ITPKB: variants seen among roughly 807,000 people sequenced by gnomAD.
ITPKB encodes the protein IP3 3-kinase B.
A neutral mutation model predicts 69.4 loss-of-function variants in ITPKB; 13 were observed. The observed-to-expected ratio is 0.19, with a 90% CI of 0.12 to 0.30. The LOEUF is 0.30. Among genes scored for constraint, ITPKB ranks in the 10% least tolerant of loss-of-function variants. The probability of loss-of-function intolerance (pLI) is 1.00; values close to 1 mark genes in which losing one functional copy is unlikely to be tolerated. For synonymous variants in ITPKB, 584 were observed against 513.7 expected (o/e 1.14, Z -1.85); for missense variants, 1,240 against 1,250.5 (o/e 0.99, Z 0.13).
At chr1:226,661,155 C>T (rs1349916624) in intron 2 of ITPKB, among the ~76,000 whole-genome samples, 3 of 152,230 alleles carry the variant, frequency 2.0e-5, no homozygotes, top group Non-Finnish European at 2.9e-5. Flanking sequence ...CCCAACACAC[C>T]TTCTTGGGAA....
chr1:226,712,804 G>C (rs1031954338), intron 2 of ITPKB, among the ~76,000 whole-genome samples: 1 of 152,188 alleles, frequency 6.6e-6, no homozygotes, highest in African/African-American at 2.4e-5. Flanking sequence ...GAAAATATTA[G>C]CGTCCCGGTG....
chr1:226,641,389 T>C lies in ITPKB; in HGVS notation c.2451+532A>G, dbSNP rs1668958081. 6.6e-6 allele frequency among the ~76,000 whole-genome samples: 1 copy of C among 152,242 alleles called. No individual in the cohort carries two copies. Among genetic ancestry groups the C allele is most frequent in the Non-Finnish European group, 1.5e-5 (1 of 68,042 alleles). On this transcript the variant is annotated intron_variant, in intron 5 of 7. Coordinates refer to ENST00000429204, the MANE Select transcript of ITPKB (RefSeq NM_002221.4). The surrounding 1 kb of genome is among the most constrained non-coding windows in gnomAD (Gnocchi z 4.6). ...ATTAGGGGAAAATTACATTTACTTA[T>C]AAAGTTTGTCATGTTGTTTCTTTGG...
chr1:226,728,827 C>G lies in ITPKB; in HGVS notation c.1932+6700G>C, dbSNP rs115198649. On this transcript the variant is annotated intron_variant, in intron 2 of 7. Coordinates refer to ENST00000429204, the MANE Select transcript of ITPKB (RefSeq NM_002221.4). ...GCCATGTGTAGACTGGAATTTCACC[C>G]AAGTCTCCTAAACCCAAGCCTAGCA... Among the ~76,000 whole-genome samples the G allele has an allele frequency of 5.8e-3, 881 of 152,264 alleles. 8 individuals are homozygous for G. The highest frequency in any genetic ancestry group is 0.021 in the African/African-American group (862 of 41,544).
At chr1:226,655,939 G>A (rs1166491982) in intron 2 of ITPKB, among the ~76,000 whole-genome samples, 4 of 152,158 alleles carry the variant, frequency 2.6e-5, no homozygotes, top group African/African-American at 9.7e-5. Context: ...GCGCACCCGG[G>A]CTCATATTCT....
intron 2 of ITPKB, among the ~76,000 whole-genome samples, chr1:226,649,747 A>T (rs1460093467): frequency 1.3e-5 from 2 of 152,240 alleles, no homozygotes; most frequent in Non-Finnish European, 2.9e-5. Flanking sequence ...GAGGTAAATG[A>T]CGAAGCTGGG....
chr1:226,659,007 AGAC>A (rs1669350736), intron 2 of ITPKB, among the ~76,000 whole-genome samples: 1 of 152,192 alleles, frequency 6.6e-6, no homozygotes, highest in Non-Finnish European at 1.5e-5. Flanking sequence ...TGCAGTGCGT[AGAC>A]CTGGTCGGGC....
In ITPKB at chr1:226,642,701, G is replaced by T. The variant is rs958088840; in HGVS notation, c.2247-576C>A. ...AGCTAAGAGAGGGGACTGGGGGCAG[G>T]GTCTACTCAGGGCCCCACTAGATCC... On this transcript the variant is annotated intron_variant, in intron 4 of 7. Transcript: ENST00000429204. The surrounding 1 kb of genome is among the most constrained non-coding windows in gnomAD (Gnocchi z 6.4). Among the ~76,000 whole-genome samples the T allele has an allele frequency of 1.3e-5, 2 of 152,032 alleles. No homozygotes were observed. The highest frequency in any genetic ancestry group is 2.4e-5 in the African/African-American group (1 of 41,388).
At chr1:226,702,331 G>A (rs1171775227) in intron 2 of ITPKB, among the ~76,000 whole-genome samples, 1 of 151,138 alleles carries the variant, frequency 6.6e-6, no homozygotes, top group Non-Finnish European at 1.5e-5. Context: ...CAGGGGGGCG[G>A]AAGTTGCAGT....
chr1:226,649,358 G>C (rs199964777), intron 2 of ITPKB, among the ~76,000 whole-genome samples: 3 of 90,468 alleles, frequency 3.3e-5, no homozygotes. Flanking sequence ...TGTGATATAT[G>C]TGCATGTGTG....
In ITPKB at chr1:226,736,566, G is replaced by C. The variant is rs1453604994; in HGVS notation, c.893C>G (p.Ala298Gly). The change falls in exon 2 of 8, where the codon GCT (alanine) becomes GGT (glycine). Residue 298 changes from alanine to glycine, a missense_variant. Physicochemically the swap from Ala to Gly is moderately conservative, Grantham distance 60. This residue lies in a region of ITPKB where 992 missense variants were observed against 853.8 expected (regional missense o/e 1.16). Coordinates refer to ENST00000429204, the MANE Select transcript of ITPKB (RefSeq NM_002221.4). ...CLAPSLGLFGASLTMATEVAA... is the reference protein window; with the variant it reads ...CLAPSLGLFGGSLTMATEVAA... ...CACTTCCGTGGCCATCGTTAAGCTA[G>C]CTCCGAACAGCCCCAATGAGGGAGC... is the stretch of plus-strand genomic sequence containing the variant. 1.2e-6 allele frequency: 2 copies of C among 1,613,866 alleles called. No individual in the cohort carries two copies. The highest frequency in any genetic ancestry group is 2.2e-5 in the East Asian group (1 of 44,892).
chr1:226,738,074 A>T lies in ITPKB; in HGVS notation c.-205-411T>A, dbSNP rs193218989. 2.6e-5 allele frequency among the ~76,000 whole-genome samples: 4 copies of T among 151,924 alleles called. No individual in the cohort carries two copies. Among genetic ancestry groups the T allele is most frequent in the African/African-American group, 9.7e-5 (4 of 41,358 alleles). On this transcript the variant is annotated intron_variant, in intron 1 of 7. Transcript: ENST00000429204. This position sits in a 1 kb window ranked among gnomAD's most constrained non-coding sequence, Gnocchi z 4.2. ...CCGGGTCTCCCCAGCCTGAGCAAAC[A>T]TTGGCTATCCAGGGCAACCCGGCAG... is the stretch of plus-strand genomic sequence containing the variant.
intron 2 of ITPKB, among the ~76,000 whole-genome samples, chr1:226,725,609 T>G (rs1167948582): frequency 6.6e-6 from 1 of 152,188 alleles, no homozygotes; most frequent in African/African-American, 2.4e-5. Context: ...GCAGTCTCCC[T>G]ATCATGATTC....
chr1:226,721,639 G>A (rs536410014), intron 2 of ITPKB, among the ~76,000 whole-genome samples: 3 of 151,706 alleles, frequency 2.0e-5, no homozygotes, highest in Admixed American at 6.6e-5. Flanking sequence ...GGGATTACAG[G>A]CGTACGCCAC....
At chr1:226,659,234 G>A (rs935337458) in intron 2 of ITPKB, among the ~76,000 whole-genome samples, 4 of 152,084 alleles carry the variant, frequency 2.6e-5, no homozygotes, top group African/African-American at 9.7e-5. Flanking sequence ...CTCCATCATG[G>A]CCACTCTTCC....
intron 2 of ITPKB, among the ~76,000 whole-genome samples, chr1:226,702,400 A>G (rs1428862934): frequency 7.2e-6 from 1 of 138,210 alleles, no homozygotes; most frequent in Non-Finnish European, 1.6e-5. Context: ...TCCCTCTCGG[A>G]AAAAAAAAAA....
chr1:226,725,402 T>C (rs1420696239), intron 2 of ITPKB, among the ~76,000 whole-genome samples: 1 of 152,238 alleles, frequency 6.6e-6, no homozygotes, highest in Non-Finnish European at 1.5e-5. Context: ...TTGCCAGACC[T>C]AGCCCAGGGC....
At chr1:226,671,923 G>A (rs879215070) in intron 2 of ITPKB, among the ~76,000 whole-genome samples, 7 of 152,178 alleles carry the variant, frequency 4.6e-5, no homozygotes, top group African/African-American at 9.7e-5. Context: ...TTAGGACTTC[G>A]GATTTTATGT....
intron 2 of ITPKB, among the ~76,000 whole-genome samples, chr1:226,724,693 C>T (rs764557137): frequency 7.2e-5 from 11 of 152,174 alleles, no homozygotes; most frequent in Non-Finnish European, 1.6e-4. Flanking sequence ...TCTTCCCCTC[C>T]CCCTAGAGCT....
chr1:226,650,656 C>T (rs915171297), intron 2 of ITPKB, among the ~76,000 whole-genome samples: 3 of 152,218 alleles, frequency 2.0e-5, no homozygotes, highest in Non-Finnish European at 2.9e-5. Context: ...GGTCACCACC[C>T]GTGGGTCACA....
Sources: gnomAD v4.1 joint callset for allele counts (sites outside exome capture counted in the v4.1 genomes callset) on GRCh38, gnomAD v4.1.1 for gene constraint, gnomAD v4.1.1 regional missense constraint, Gnocchi (gnomAD v3.1) non-coding constraint, MANE v1.5 for transcripts, NCBI Gene and HGNC (gene_info 2026-07-23, HGNC 2026-07-21) for gene names.